CPNE5: variants seen among roughly 807,000 people sequenced by gnomAD.
CPNE5 encodes copine-5.
Under a neutral mutation model 81.1 loss-of-function variants are expected in CPNE5, and 42 were observed. The ratio of observed to expected loss-of-function variants is 0.52; its 90% CI spans 0.40 to 0.67. The LOEUF is 0.67. Among genes scored for constraint, CPNE5 ranks in the 30% least tolerant of loss-of-function variants. CPNE5 has a pLI of 0.00. For synonymous variants in CPNE5, 313 were observed against 321.5 expected (o/e 0.97, Z 0.28); for missense variants, 612 against 815.5 (o/e 0.75, Z 3.04).
chr6:36,832,711 C>G (rs1008324269), intron 1 of CPNE5, among the ~76,000 whole-genome samples: 1 of 116,422 alleles, frequency 8.6e-6, no homozygotes, highest in African/African-American at 3.7e-5. Context: ...TTTAAGCCAC[C>G]ATCAGTCAGA....
intron 9 of CPNE5, among the ~76,000 whole-genome samples, chr6:36,778,172 A>G (rs1767716529): frequency 6.6e-6 from 1 of 152,186 alleles, no homozygotes; most frequent in African/African-American, 2.4e-5. Flanking sequence ...GTCACACAAC[A>G]GGCTGCTGGG....
chr6:36,839,149 C>G lies in CPNE5; in HGVS notation c.95+134G>C. The stretch of plus-strand genomic sequence containing the variant: ...GACAGGACAGGGGCTCTTGGCAGAT[C>G]GGCAGGGGCGCAGTCCTGGAGACCA... On this transcript the variant is annotated intron_variant, in intron 1 of 20. Coordinates refer to ENST00000244751, the MANE Select transcript of CPNE5 (RefSeq NM_020939.2). This position sits in a 1 kb window ranked among gnomAD's most constrained non-coding sequence, Gnocchi z 7.3. 1 of 607,402 alleles carries G rather than the reference C, an allele frequency of 1.6e-6. No individual in the cohort carries two copies. Among genetic ancestry groups the G allele is most frequent in the Non-Finnish European group, 2.7e-6 (1 of 366,760 alleles). The allele number at this position is 607,402 out of a possible 1,614,324, so 37.6% of individuals were successfully genotyped here. A position where few individuals can be genotyped will look rare whatever the true frequency, so the allele number is the denominator to read the frequency against.
chr6:36,757,369 C>T (rs1765586113), intron 12 of CPNE5: 2 of 985,390 alleles, frequency 2.0e-6, no homozygotes, highest in South Asian at 9.4e-5. Context: ...CTGATCTTTA[C>T]CGTGGTCTCT....
At chr6:36,801,676 A>G (rs960049622) in intron 3 of CPNE5, among the ~76,000 whole-genome samples, 1 of 152,212 alleles carries the variant, frequency 6.6e-6, no homozygotes, top group Non-Finnish European at 1.5e-5. Context: ...GCACCTTGAG[A>G]TTATGCTAAG....
intron 9 of CPNE5, among the ~76,000 whole-genome samples, chr6:36,777,766 C>CACA (rs1165860902): frequency 4.6e-5 from 5 of 109,550 alleles, no homozygotes; most frequent in African/African-American, 1.2e-4. Flanking sequence ...CCCCCCCCCA[C>CACA]CACACACACA....
intron 8 of CPNE5, among the ~76,000 whole-genome samples, chr6:36,785,487 G>A (rs1015013364): frequency 6.6e-6 from 1 of 152,040 alleles, no homozygotes; most frequent in Non-Finnish European, 1.5e-5. Context: ...ACTTGCCCAG[G>A]GTCACATAGG....
At chr6:36,789,264 C>T (rs1002970938) in intron 8 of CPNE5, among the ~76,000 whole-genome samples, 6 of 152,116 alleles carry the variant, frequency 3.9e-5, no homozygotes, top group Non-Finnish European at 8.8e-5. Context: ...AAAACTGCTG[C>T]TATCCCTGGG....
chr6:36,746,677 A>C lies in CPNE5; in HGVS notation c.1019-100T>G. 9.6e-7 allele frequency: 1 copy of C among 1,044,198 alleles called. No individual in the cohort carries two copies. Among genetic ancestry groups the C allele is most frequent in the Middle Eastern group, 2.3e-4 (1 of 4,272 alleles). 64.7% of individuals were successfully genotyped at this position (1,044,198 alleles called of 1,614,324 possible). A position where few individuals can be genotyped will look rare whatever the true frequency, so the allele number is the denominator to read the frequency against. On this transcript the variant is annotated intron_variant, in intron 15 of 20. Transcript: ENST00000244751. This position sits in a 1 kb window ranked among gnomAD's most constrained non-coding sequence, Gnocchi z 4.5. ...GTGTCCAAGGGCACCCCTAACTTTT[A>C]TTAATTCTTGACTCCTCTCTTTCTC...
rs1065260 is a variant in CPNE5 at position 36,741,093 on chromosome 6, T to A, written c.*1175A>T. ...GCAGGGGCAGGAGCTCGGGCTCAGA[T>A]GCCAGAGCCCCAGGCTGAAGGACTA... On this transcript the variant is annotated 3_prime_UTR_variant, in exon 21 of 21. Transcript: ENST00000244751. 77,788 of 152,088 alleles carry A rather than the reference T, an allele frequency of 0.51. 20,435 individuals carry two copies. The highest frequency in any genetic ancestry group is 0.61 in the African/African-American group (25,188 of 41,454). 9.4% of individuals were successfully genotyped at this position (152,088 alleles called of 1,614,324 possible).
intron 3 of CPNE5, among the ~76,000 whole-genome samples, chr6:36,811,830 G>T (rs539043009): frequency 6.6e-6 from 1 of 152,210 alleles, no homozygotes; most frequent in South Asian, 2.1e-4. Flanking sequence ...TGGGCTGGGC[G>T]CAGTGGCTCA....
At chr6:36,810,794 C>CT (rs1771035267) in intron 3 of CPNE5, among the ~76,000 whole-genome samples, 1 of 152,126 alleles carries the variant, frequency 6.6e-6, no homozygotes, top group Non-Finnish European at 1.5e-5. Flanking sequence ...GACCTTGGCA[C>CT]CTTTCGTTTC....
intron 3 of CPNE5, among the ~76,000 whole-genome samples, chr6:36,805,010 G>C (rs1770459984): frequency 6.7e-6 from 1 of 148,170 alleles, no homozygotes; most frequent in Admixed American, 6.6e-5. Context: ...GAATAACAAA[G>C]GGGAAAAATG....
chr6:36,759,933 G>A (rs1222094124), intron 12 of CPNE5, among the ~76,000 whole-genome samples: 7 of 151,998 alleles, frequency 4.6e-5, no homozygotes, highest in Non-Finnish European at 7.4e-5. Context: ...ACAGCCAGGC[G>A]TGGTGGCTCA....
rs1289837823 is a variant in CPNE5 at position 36,822,106 on chromosome 6, G to T, written c.183+8C>A. The T allele has an allele frequency of 1.7e-5, 26 of 1,535,780 alleles. No individual in the cohort carries two copies. The highest frequency in any genetic ancestry group is 2.2e-5 in the Non-Finnish European group (25 of 1,135,832). Reference sequence around the variant, plus strand: ...GGTGTTTCTGGTGTGGGAAGGAGCTGCACCTACCTCCCGCCACTGCTTGTT... The same window carrying T: ...GGTGTTTCTGGTGTGGGAAGGAGCTTCACCTACCTCCCGCCACTGCTTGTT... On this transcript the variant is annotated splice_region_variant and intron_variant, in intron 3 of 20. Coordinates refer to ENST00000244751, the MANE Select transcript of CPNE5 (RefSeq NM_020939.2).
chr6:36,755,859 G>T lies in CPNE5; in HGVS notation c.909+386C>A, dbSNP rs771096460. 8 of 227,314 alleles carry T rather than the reference G, an allele frequency of 3.5e-5. No homozygotes were observed. The Admixed American group carries it at 4.2e-4, about 12-fold the overall frequency. The allele number at this position is 227,314 out of a possible 1,614,324, so 14.1% of individuals were successfully genotyped here. On this transcript the variant is annotated intron_variant, in intron 13 of 20. Coordinates refer to ENST00000244751, the MANE Select transcript of CPNE5 (RefSeq NM_020939.2). ...GAGTCACTTTCCTGCTTGCAGCCTT[G>T]GTTTCCTCTTTCATGACTAGGGGAT...
chr6:36,802,042 A>G (rs925671517), intron 3 of CPNE5, among the ~76,000 whole-genome samples: 2 of 152,012 alleles, frequency 1.3e-5, no homozygotes, highest in African/African-American at 4.8e-5. Context: ...AACATGGTGA[A>G]ACCCTGTCTC....
intron 12 of CPNE5, 144 bp from the exon 13 acceptor site, chr6:36,756,442 G>T: frequency 1.5e-6 from 1 of 647,018 alleles, no homozygotes; most frequent in Non-Finnish European, 2.7e-6. Flanking sequence ...AGGGGAGAAG[G>T]GTTTAAGGAG....
At position 36,741,548 on chromosome 6, in the gene CPNE5, C is replaced by A. The variant is rs568066353; in HGVS notation, c.*720G>T. 1.8e-4 allele frequency: 27 copies of A among 152,348 alleles called. No homozygotes were observed. Among genetic ancestry groups the A allele is most frequent in the African/African-American group, 6.3e-4 (26 of 41,546 alleles). 9.4% of individuals were successfully genotyped at this position (152,348 alleles called of 1,614,324 possible). On this transcript the variant is annotated 3_prime_UTR_variant, in exon 21 of 21. Coordinates refer to ENST00000244751, the MANE Select transcript of CPNE5 (RefSeq NM_020939.2). Reference sequence around the variant, plus strand: ...AGGGATTCCTGAAGCCAGGAGTCAACCATGGAAGTACCTGTGGGCCCACAC... The same window carrying A: ...AGGGATTCCTGAAGCCAGGAGTCAAACATGGAAGTACCTGTGGGCCCACAC...
At chr6:36,790,370 G>A (rs544230371) in intron 8 of CPNE5, among the ~76,000 whole-genome samples, 1 of 152,214 alleles carries the variant, frequency 6.6e-6, no homozygotes, top group South Asian at 2.1e-4. Context: ...GAACCCCGAG[G>A]GATCCGTGGG....
Sources: gnomAD v4.1 joint callset for allele counts (sites outside exome capture counted in the v4.1 genomes callset) on GRCh38, gnomAD v4.1.1 for gene constraint, Gnocchi (gnomAD v3.1) non-coding constraint, MANE v1.5 for transcripts, NCBI Gene and HGNC (gene_info 2026-07-23, HGNC 2026-07-21) for gene names.